Variants in ASTN2 observed in about 807,000 individuals in gnomAD.
ASTN2 encodes astrotactin-2.
In ASTN2, 54 loss-of-function variants were observed where a neutral mutation model predicts 139.8. That is an observed-to-expected ratio of 0.39 (90% confidence interval 0.31 to 0.48). The LOEUF is 0.48. Among genes scored for constraint, ASTN2 ranks in the 20% least tolerant of loss-of-function variants. The pLI is 0.95. For synonymous variants in ASTN2, 756 were observed against 719.5 expected, an observed-to-expected ratio of 1.05 and a Z score of -0.81; for missense variants, 1,565 against 1,725.1, an observed-to-expected ratio of 0.91 and a Z score of 1.64.
At chr9:117,339,936 C>T (rs943590951) in intron 1 of ASTN2, among the ~76,000 whole-genome samples, 1 of 151,776 alleles carries the variant, frequency 6.6e-6, no homozygotes, top group African/African-American at 2.4e-5. Context: ...TTAAAGAGGC[C>T]CACATGATAC....
intron 1 of ASTN2, among the ~76,000 whole-genome samples, chr9:117,366,761 A>G (rs962339540): frequency 3.3e-5 from 5 of 151,896 alleles, no homozygotes; most frequent in Non-Finnish European, 4.4e-5. Context: ...AACCACAAAT[A>G]GCGTCTACTT....
intron 19 of ASTN2, among the ~76,000 whole-genome samples, chr9:116,560,764 T>C (rs933470692): frequency 3.3e-5 from 5 of 152,190 alleles, no homozygotes; most frequent in African/African-American, 1.2e-4. Flanking sequence ...ATTCAATAGA[T>C]ATTTTTTGAA....
chr9:117,048,396 G>A (rs1204373553), intron 5 of ASTN2, among the ~76,000 whole-genome samples: 1 of 152,212 alleles, frequency 6.6e-6, no homozygotes, highest in Admixed American at 6.5e-5. Context: ...GCAGCTCACT[G>A]TGCTACTTGG....
At chr9:116,828,932 T>C (rs1831722179) in intron 11 of ASTN2, among the ~76,000 whole-genome samples, 1 of 152,032 alleles carries the variant, frequency 6.6e-6, no homozygotes, top group Non-Finnish European at 1.5e-5. Context: ...AAAAATAAAA[T>C]ATCTAGGAAT....
chr9:117,234,950 A>G (rs1433981315), intron 2 of ASTN2, among the ~76,000 whole-genome samples: 3 of 152,076 alleles, frequency 2.0e-5, no homozygotes, highest in Non-Finnish European at 4.4e-5. Flanking sequence ...AAAGAAGGAT[A>G]AGGCTGGGCG....
intron 16 of ASTN2, among the ~76,000 whole-genome samples, chr9:116,684,389 T>C (rs1473755493): frequency 1.3e-5 from 2 of 152,220 alleles, no homozygotes; most frequent in African/African-American, 4.8e-5. Flanking sequence ...AGAGGAAACC[T>C]ATTGTTAGCT....
chr9:116,717,779 T>C (rs1828354418), intron 16 of ASTN2, among the ~76,000 whole-genome samples: 1 of 152,228 alleles, frequency 6.6e-6, no homozygotes, highest in South Asian at 2.1e-4. Flanking sequence ...ATCAGTAGTC[T>C]TCATCCTTTC....
intron 3 of ASTN2, among the ~76,000 whole-genome samples, chr9:117,180,238 C>T (rs1213536047): frequency 1.3e-5 from 2 of 152,214 alleles, no homozygotes; most frequent in Admixed American, 1.3e-4. Flanking sequence ...TTTTCAGTGG[C>T]TCCCTGGGGC....
chr9:116,579,705 A>G (rs561580609), intron 19 of ASTN2, among the ~76,000 whole-genome samples: 1 of 152,272 alleles, frequency 6.6e-6, no homozygotes, highest in South Asian at 2.1e-4. Flanking sequence ...ATATAGTGAG[A>G]CCCCATCTCA....
intron 16 of ASTN2, chr9:116,700,574 T>C (rs555570915): frequency 1.2e-5 from 2 of 167,228 alleles, no homozygotes; most frequent in Middle Eastern, 6.8e-3. Context: ...TTGTACAACA[T>C]AGGCCAGGGC....
At chr9:117,131,897 A>G (rs1002769765) in intron 4 of ASTN2, among the ~76,000 whole-genome samples, 1 of 152,184 alleles carries the variant, frequency 6.6e-6, no homozygotes, top group African/African-American at 2.4e-5. Context: ...TGGGACTATC[A>G]TGGTCTATAG....
At chr9:117,365,053 G>A (rs1326920297) in intron 1 of ASTN2, among the ~76,000 whole-genome samples, 1 of 151,634 alleles carries the variant, frequency 6.6e-6, no homozygotes, top group East Asian at 1.9e-4. Flanking sequence ...TCAGGAGGCT[G>A]GGAAAGGATT....
At chr9:117,242,402 A>T (rs1426442368) in intron 2 of ASTN2, among the ~76,000 whole-genome samples, 1 of 152,182 alleles carries the variant, frequency 6.6e-6, no homozygotes, top group Non-Finnish European at 1.5e-5. Context: ...TACTTGATGT[A>T]CTTAATAGAG....
At chr9:116,655,093 C>G (rs991001997) in intron 16 of ASTN2, among the ~76,000 whole-genome samples, 8 of 152,122 alleles carry the variant, frequency 5.3e-5, no homozygotes, top group Admixed American at 6.6e-5. Flanking sequence ...TGGTGCAACC[C>G]CATTGAAACC....
At chr9:117,024,884 C>T (rs1408015501) in intron 6 of ASTN2, among the ~76,000 whole-genome samples, 2 of 152,082 alleles carry the variant, frequency 1.3e-5, no homozygotes, top group African/African-American at 2.4e-5. Flanking sequence ...TTCCCCCATA[C>T]TGTTCTCATG....
chr9:117,097,116 G>C (rs1485274793), intron 4 of ASTN2, among the ~76,000 whole-genome samples: 1 of 152,176 alleles, frequency 6.6e-6, no homozygotes, highest in African/African-American at 2.4e-5. Context: ...GCAGCCAGGA[G>C]GCTCAGTGAC....
intron 5 of ASTN2, among the ~76,000 whole-genome samples, chr9:117,080,780 A>T (rs2132724595): frequency 6.6e-6 from 1 of 152,262 alleles, no homozygotes; most frequent in East Asian, 1.9e-4. Context: ...TCTTCCACAG[A>T]CAGAAGCCTA....
intron 12 of ASTN2, among the ~76,000 whole-genome samples, chr9:116,810,600 G>A (rs936524793): frequency 6.6e-6 from 1 of 152,134 alleles, no homozygotes; most frequent in African/African-American, 2.4e-5. Context: ...ATTTTTCGAA[G>A]TTGATGTTGC....
intron 4 of ASTN2, among the ~76,000 whole-genome samples, chr9:117,103,159 G>C (rs888965092): frequency 6.6e-6 from 1 of 152,062 alleles, no homozygotes; most frequent in Non-Finnish European, 1.5e-5. Flanking sequence ...CATTTACTCA[G>C]GGCCCATGCT....
Sources: gnomAD v4.1 joint callset for allele counts (sites outside exome capture counted in the v4.1 genomes callset) on GRCh38, gnomAD v4.1.1 for gene constraint, MANE v1.5 for transcripts, NCBI Gene and HGNC (gene_info 2026-07-23, HGNC 2026-07-21) for gene names.